MBNL2: variants seen among roughly 807,000 people sequenced by gnomAD.
The protein encoded by MBNL2 is muscleblind like splicing regulator 2, also known as muscleblind-like protein 2.
MBNL2 carries 17 observed loss-of-function variants against 41.9 expected under a neutral mutation model. The ratio of observed to expected loss-of-function variants is 0.41; its 90% CI spans 0.28 to 0.61. The LOEUF is 0.61. Ranked by LOEUF, MBNL2 falls within the 20% of genes least tolerant of loss-of-function variation. The pLI is 0.35. For missense variants in MBNL2, 336 were observed against 505.6 expected (o/e 0.66, Z 3.22); for synonymous variants, 195 against 182.9 (o/e 1.07, Z -0.53).
At chr13:97,326,667 C>A (rs2153049520) in intron 2 of MBNL2, among the ~76,000 whole-genome samples, 1 of 152,226 alleles carries the variant, frequency 6.6e-6, no homozygotes, top group African/African-American at 2.4e-5. Flanking sequence ...TATGTGATTG[C>A]ATTTTATTTG....
intron 2 of MBNL2, among the ~76,000 whole-genome samples, chr13:97,288,929 A>G (rs749965786): frequency 7.9e-5 from 12 of 152,170 alleles, no homozygotes; most frequent in Admixed American, 1.3e-4. Flanking sequence ...TGATGAGACC[A>G]TTTTCTTATG....
At chr13:97,343,318 C>T (rs1019962696) in intron 4 of MBNL2, 102 bp downstream of exon 4, 1 of 841,170 alleles carries the variant, frequency 1.2e-6, no homozygotes, top group Non-Finnish European at 1.9e-6. Flanking sequence ...GCAAAACAGC[C>T]ATGTAAACAC....
intron 2 of MBNL2, among the ~76,000 whole-genome samples, chr13:97,330,963 A>G (rs540636579): frequency 6.6e-6 from 1 of 152,302 alleles, no homozygotes; most frequent in African/African-American, 2.4e-5. Context: ...GTCTCTTAAA[A>G]TGTGGACACT....
At chr13:97,257,868 C>T (rs888266722) in intron 1 of MBNL2, among the ~76,000 whole-genome samples, 5 of 152,264 alleles carry the variant, frequency 3.3e-5, no homozygotes, top group East Asian at 1.9e-4. Flanking sequence ...AAGTTGCTCG[C>T]GCCCAAGGGC....
At chr13:97,170,824 CCT>C in the MBNL2 span, among the ~76,000 whole-genome samples, 1 of 152,204 alleles carries the variant, frequency 6.6e-6, no homozygotes, top group African/African-American at 2.4e-5. Flanking sequence ...AGGCTCCTCT[CCT>C]CTCCCTAGCC....
chr13:97,239,467 C>T (rs1054118900), intron 1 of MBNL2, among the ~76,000 whole-genome samples: 1 of 152,196 alleles, frequency 6.6e-6, no homozygotes, highest in African/African-American at 2.4e-5. Flanking sequence ...GTCATACTCA[C>T]AGAAATCCAT....
intron 2 of MBNL2, among the ~76,000 whole-genome samples, chr13:97,329,326 A>T (rs773672347): frequency 3.3e-5 from 5 of 152,146 alleles, no homozygotes; most frequent in South Asian, 4.1e-4. Context: ...ATAAACTATA[A>T]TAAAATTAGA....
chr13:97,312,435 T>G (rs1355344166), intron 2 of MBNL2, among the ~76,000 whole-genome samples: 1 of 152,196 alleles, frequency 6.6e-6, no homozygotes, highest in African/African-American at 2.4e-5. Flanking sequence ...TTTCTCTCTA[T>G]TCTAACATCC....
At chr13:97,144,395 C>T in the MBNL2 span, among the ~76,000 whole-genome samples, 1 of 150,524 alleles carries the variant, frequency 6.6e-6, no homozygotes, top group South Asian at 2.1e-4. Context: ...CCATGAAGCT[C>T]CTCTCCCTGC....
chr13:97,266,246 AAAAT>A lies in MBNL2; in HGVS notation c.-604-9373_-604-9370del, dbSNP rs201493132. On this transcript the variant is annotated intron_variant, in intron 1 of 8. Transcript: ENST00000679496. ...AACAGAGCAAGACTTCATCTCACGAAAAATAAATAAATAAATTAATTAATTAATT... is the reference window on the plus strand; with the variant it reads ...AACAGAGCAAGACTTCATCTCACGAAAAATAAATAAATTAATTAATTAATT... Among the ~76,000 whole-genome samples, 1,028 of 152,276 alleles carry A rather than the reference AAAAT, an allele frequency of 6.8e-3. 14 individuals are homozygous for A. Among genetic ancestry groups the A allele is most frequent in the African/African-American group, 0.023 (969 of 41,554 alleles).
the MBNL2 span, among the ~76,000 whole-genome samples, chr13:97,198,469 G>T: frequency 2.7e-5 from 4 of 147,814 alleles, no homozygotes; most frequent in Non-Finnish European, 6.0e-5. Flanking sequence ...AGATCTGCAG[G>T]GTATATAATA....
At chr13:97,207,601 C>A in the MBNL2 span, among the ~76,000 whole-genome samples, 1 of 152,160 alleles carries the variant, frequency 6.6e-6, no homozygotes, top group Non-Finnish European at 1.5e-5. Context: ...CCACCAGATC[C>A]CTCCCACAAC....
chr13:97,147,277 C>T, the MBNL2 span, among the ~76,000 whole-genome samples: 5 of 152,090 alleles, frequency 3.3e-5, no homozygotes, highest in Non-Finnish European at 5.9e-5. Flanking sequence ...TTTTCTCTGT[C>T]GATTGGTGAG....
At chr13:97,296,094 C>T (rs2056963871) in intron 2 of MBNL2, among the ~76,000 whole-genome samples, 1 of 152,072 alleles carries the variant, frequency 6.6e-6, no homozygotes, top group African/African-American at 2.4e-5. Flanking sequence ...ATAAAATAAA[C>T]CATGGAACTC....
At chr13:97,247,798 A>G (rs1378837114) in intron 1 of MBNL2, among the ~76,000 whole-genome samples, 1 of 152,210 alleles carries the variant, frequency 6.6e-6, no homozygotes. Flanking sequence ...TAATATTTGA[A>G]TCTGCAGCCA....
chr13:97,224,652 A>G (rs1034981820), intron 1 of MBNL2, among the ~76,000 whole-genome samples: 2 of 132,808 alleles, frequency 1.5e-5, no homozygotes, highest in Non-Finnish European at 3.3e-5. Context: ...AAAAAAAAAA[A>G]GTTGTTTGTC....
At chr13:97,317,347 G>A (rs919172754) in intron 2 of MBNL2, among the ~76,000 whole-genome samples, 1 of 152,156 alleles carries the variant, frequency 6.6e-6, no homozygotes, top group Non-Finnish European at 1.5e-5. Flanking sequence ...TCAGAACTGC[G>A]TACCCTCCCA....
chr13:97,239,239 C>T (rs1357789507), intron 1 of MBNL2, among the ~76,000 whole-genome samples: 1 of 152,180 alleles, frequency 6.6e-6, no homozygotes, highest in African/African-American at 2.4e-5. Context: ...AATTCATGTG[C>T]CTAGATAACT....
At position 97,291,900 on chromosome 13, in the gene MBNL2, C is replaced by CAAAAAAAAAAAAAAAAAAAA; in HGVS notation, c.174+15508_174+15509insAAAAAAAAAAAAAAAAAAAA. ...ACAGAGCGAGACTCCGTCTCCGTCT[C>CAAAAAAAAAAAAAAAAAAAA]AAAAAAAAAAAAAAAAAGTGGGCTG... On this transcript the variant is annotated intron_variant, in intron 2 of 8. Transcript: ENST00000679496. 1.1e-3 allele frequency among the ~76,000 whole-genome samples: 41 copies of CAAAAAAAAAAAAAAAAAAAA among 37,812 alleles called. 5 individuals are homozygous for CAAAAAAAAAAAAAAAAAAAA. Among genetic ancestry groups the CAAAAAAAAAAAAAAAAAAAA allele is most frequent in the African/African-American group, 8.0e-3 (34 of 4,270 alleles). 24.8% of individuals were successfully genotyped at this position (37,812 alleles called of 152,430 possible). A position where few individuals can be genotyped will look rare whatever the true frequency, so the allele number is the denominator to read the frequency against.
Sources: allele counts gnomAD v4.1 joint callset (sites outside exome capture counted in the v4.1 genomes callset), GRCh38; gene constraint gnomAD v4.1.1; transcripts MANE v1.5; gene names NCBI Gene and HGNC (gene_info 2026-07-23, HGNC 2026-07-21).